Variants in LMO7 observed in about 807,000 individuals in gnomAD.
The protein encoded by LMO7 is LIM domain 7.
A neutral mutation model predicts 206.5 loss-of-function variants in LMO7; 120 were observed. That is an observed-to-expected ratio of 0.58 (90% CI 0.50 to 0.68). LMO7 has a LOEUF of 0.68. Ranked by LOEUF, LMO7 falls within the 30% of genes least tolerant of loss-of-function variation. LMO7 has a pLI of 0.00. For missense variants in LMO7, 1,959 were observed against 1,957.9 expected (o/e 1.00, Z -0.01); for synonymous variants, 706 against 681.5 (o/e 1.04, Z -0.56).
chr13:75,852,472 A>G (rs989742090), intron 27 of LMO7, among the ~76,000 whole-genome samples: 4 of 152,184 alleles, frequency 2.6e-5, no homozygotes, highest in Non-Finnish European at 4.4e-5. Flanking sequence ...CTGCACGTGT[A>G]TCCCCTAAAC....
At chr13:75,752,214 C>T (rs1473559475) in intron 3 of LMO7, among the ~76,000 whole-genome samples, 1 of 152,070 alleles carries the variant, frequency 6.6e-6, no homozygotes. Flanking sequence ...TCACTGCAAC[C>T]TCTGCCTCCC....
At chr13:75,833,432 A>G (rs1036081617) in intron 16 of LMO7, among the ~76,000 whole-genome samples, 3 of 152,192 alleles carry the variant, frequency 2.0e-5, no homozygotes, top group Non-Finnish European at 4.4e-5. Context: ...TGGACTTTAT[A>G]TTTGGAAATG....
intron 2 of LMO7, among the ~76,000 whole-genome samples, chr13:75,629,262 C>T (rs1439664648): frequency 6.6e-6 from 1 of 152,096 alleles, no homozygotes; most frequent in East Asian, 1.9e-4. Context: ...TAATTCTGTA[C>T]ATTAAGTTAT....
intron 3 of LMO7, among the ~76,000 whole-genome samples, chr13:75,758,642 TTCTC>T (rs1309830974): frequency 6.6e-6 from 1 of 152,230 alleles, no homozygotes; most frequent in Non-Finnish European, 1.5e-5. Context: ...GTCAAGTTCT[TTCTC>T]TCTACTTTGG....
At chr13:75,724,840 CAG>C (rs916796816) in intron 2 of LMO7, among the ~76,000 whole-genome samples, 109 of 152,232 alleles carry the variant, frequency 7.2e-4, no homozygotes, top group African/African-American at 2.6e-3. Context: ...CAAAATAAAA[CAG>C]AGTTTTCCTT....
intron 27 of LMO7, among the ~76,000 whole-genome samples, chr13:75,850,836 T>C (rs1468362781): frequency 1.3e-5 from 2 of 151,562 alleles, no homozygotes; most frequent in Non-Finnish European, 2.9e-5. Context: ...TCTTTGAAAA[T>C]GTGAAAAAAG....
At chr13:75,795,569 G>A in intron 5 of LMO7, 138 bp downstream of exon 5, 1 of 606,848 alleles carries the variant, frequency 1.6e-6, no homozygotes, top group East Asian at 3.0e-5. Flanking sequence ...GTTACAAACA[G>A]TAAATATGTT....
chr13:75,666,287 A>G (rs915345569), intron 1 of LMO7, among the ~76,000 whole-genome samples: 6 of 152,252 alleles, frequency 3.9e-5, no homozygotes, highest in African/African-American at 1.4e-4. Context: ...GTGATTTTTC[A>G]CAAAAGTATT....
rs1311334550 is a variant in LMO7, at chr13:75,625,359, T to C, written c.225+2039T>C. ...CAAATAGAGACTATGACAGCACTTC[T>C]TTAAATAATAGAGGCTGATAGCCCT... is the stretch of plus-strand genomic sequence containing the variant. On this transcript the variant is annotated intron_variant, in intron 2 of 29. Transcript: ENST00000341547. 2.0e-5 allele frequency among the ~76,000 whole-genome samples: 3 copies of C among 152,144 alleles called. No homozygotes were observed. In the East Asian group the frequency reaches 5.8e-4, roughly 29 times the overall value.
At chr13:75,812,606 A>C (rs997975800) in intron 11 of LMO7, among the ~76,000 whole-genome samples, 2 of 152,164 alleles carry the variant, frequency 1.3e-5, no homozygotes, top group Non-Finnish European at 2.9e-5. Flanking sequence ...AAACTAGCCA[A>C]AAAGTGACAG....
At chr13:75,752,547 A>T (rs2047357277) in intron 3 of LMO7, among the ~76,000 whole-genome samples, 1 of 152,150 alleles carries the variant, frequency 6.6e-6, no homozygotes. Flanking sequence ...GGAACATTGC[A>T]CATTGTATCC....
intron 1 of LMO7, among the ~76,000 whole-genome samples, chr13:75,709,157 A>G (rs1002966046): frequency 1.3e-5 from 2 of 152,208 alleles, no homozygotes; most frequent in Non-Finnish European, 2.9e-5. Flanking sequence ...ATAGTATTCC[A>G]TGGTGTATAT....
At chr13:75,680,450 C>T (rs1043917667) in intron 1 of LMO7, among the ~76,000 whole-genome samples, 1 of 152,206 alleles carries the variant, frequency 6.6e-6, no homozygotes, top group Non-Finnish European at 1.5e-5. Context: ...ATTTCTGGTT[C>T]TAAGTCTTTG....
At chr13:75,838,787 G>A (rs2059355105) in intron 20 of LMO7, among the ~76,000 whole-genome samples, 1 of 152,176 alleles carries the variant, frequency 6.6e-6, no homozygotes, top group Admixed American at 6.5e-5. Context: ...CCGTGTTGGT[G>A]TAGTTGGGCA....
At position 75,819,502 on chromosome 13, in the gene LMO7, G is replaced by A. The variant is rs1201768104; in HGVS notation, c.2174G>A (p.Ser725Asn). 2 of 1,607,558 alleles carry A rather than the reference G, an allele frequency of 1.2e-6. No homozygotes were observed. Among genetic ancestry groups the A allele is most frequent in the Admixed American group, 1.7e-5 (1 of 57,916 alleles). The change falls in exon 13 of 31, where the codon AGC (serine) becomes AAC (asparagine). Residue 725 changes from serine to asparagine, a missense_variant. Physicochemically the swap from Ser to Asn is conservative, Grantham distance 46. Coordinates refer to ENST00000377534, the MANE Select transcript of LMO7 (RefSeq NM_001306080.2). ...CAGGCACTTGAGAAGTCTAAGAGAA[G>A]CTCTAAGACGTTTAAGGAAATGCTG... is the stretch of plus-strand genomic sequence containing the variant. ...EKQALEKSKR[S>N]SKTFKEMLQD... is the part of the protein sequence containing the mutation.
At chr13:75,850,454 A>G (rs1457777956) in intron 27 of LMO7, among the ~76,000 whole-genome samples, 1 of 152,242 alleles carries the variant, frequency 6.6e-6, no homozygotes, top group Non-Finnish European at 1.5e-5. Flanking sequence ...ACACTTACAC[A>G]TTATTCATTA....
At chr13:75,853,758 G>T (rs1018196513) in intron 28 of LMO7, among the ~76,000 whole-genome samples, 1 of 152,164 alleles carries the variant, frequency 6.6e-6, no homozygotes, top group Admixed American at 6.5e-5. Flanking sequence ...AGTGAAATCA[G>T]TATTGTCAAA....
chr13:75,746,284 AAGAG>A, intron 3 of LMO7, among the ~76,000 whole-genome samples: 2 of 152,292 alleles, frequency 1.3e-5, no homozygotes, highest in South Asian at 2.1e-4. Flanking sequence ...ATATATATAA[AAGAG>A]TGATGTAGAT....
At chr13:75,765,229 G>A (rs1321413067) in intron 4 of LMO7, among the ~76,000 whole-genome samples, 1 of 151,518 alleles carries the variant, frequency 6.6e-6, no homozygotes, top group Non-Finnish European at 1.5e-5. Context: ...GTGTATATGT[G>A]TATTTAAGGT....
Sources: allele counts gnomAD v4.1 joint callset (sites outside exome capture counted in the v4.1 genomes callset), GRCh38; gene constraint gnomAD v4.1.1; transcripts MANE v1.5; gene names NCBI Gene and HGNC (gene_info 2026-07-23, HGNC 2026-07-21).